RNF180: variants seen among roughly 807,000 people sequenced by gnomAD.
RNF180 encodes the protein ring finger protein 180.
In RNF180, 38 loss-of-function variants were observed where a neutral mutation model predicts 59.2. That is an observed-to-expected ratio of 0.64 (90% CI 0.50 to 0.84). RNF180 has a LOEUF of 0.84. Among genes scored for constraint, RNF180 ranks in the 40% least tolerant of loss-of-function variants. The probability of loss-of-function intolerance (pLI) is 0.00; values close to 1 mark genes in which losing one functional copy is unlikely to be tolerated. For missense variants in RNF180, 705 were observed against 700.9 expected, an observed-to-expected ratio of 1.01 and a Z score of -0.07; for synonymous variants, 262 against 240.3, an observed-to-expected ratio of 1.09 and a Z score of -0.84.
intron 5 of RNF180, among the ~76,000 whole-genome samples, chr5:64,272,444 T>C (rs891579606): frequency 2.0e-5 from 3 of 151,786 alleles, no homozygotes; most frequent in African/African-American, 7.3e-5. Flanking sequence ...CAGAGGGCAA[T>C]GGTATGGGTG....
In RNF180 at chr5:64,247,398, A is replaced by G. The variant is rs1743252227; in HGVS notation, c.1227+30002A>G. Among the ~76,000 whole-genome samples, 4 of 152,222 alleles carry G rather than the reference A, an allele frequency of 2.6e-5. No individual in the cohort carries two copies. In the South Asian group the frequency reaches 8.3e-4, roughly 31 times the overall value. On this transcript the variant is annotated intron_variant, in intron 5 of 7. Transcript: ENST00000389100. ...CAGCCCAAAATCTCCTTAAGCTTAT[A>G]AGCAACTTCAGCAAAATCTCAGGAT...
At chr5:64,206,192 G>A (rs926089569) in intron 2 of RNF180, among the ~76,000 whole-genome samples, 1 of 152,156 alleles carries the variant, frequency 6.6e-6, no homozygotes, top group Non-Finnish European at 1.5e-5. Flanking sequence ...AAAAGAAATC[G>A]TTGGTCAACA....
intron 5 of RNF180, among the ~76,000 whole-genome samples, chr5:64,246,161 A>G (rs1465809757): frequency 3.3e-5 from 5 of 152,182 alleles, no homozygotes; most frequent in Admixed American, 6.5e-5. Flanking sequence ...CACAGGAGAA[A>G]GTGGGAAAGA....
intron 2 of RNF180, among the ~76,000 whole-genome samples, chr5:64,201,749 C>T (rs1751761064): frequency 6.6e-6 from 1 of 152,096 alleles, no homozygotes; most frequent in Non-Finnish European, 1.5e-5. Context: ...ATGCCAAATA[C>T]TTATTTTGGA....
intron 5 of RNF180, among the ~76,000 whole-genome samples, chr5:64,246,065 A>AG (rs1185054582): frequency 3.9e-5 from 6 of 152,200 alleles, no homozygotes; most frequent in African/African-American, 1.4e-4. Context: ...GAAACCAATG[A>AG]GAAAAAAGAC....
chr5:64,330,149 T>C, intron 6 of RNF180, 132 bp from the exon 7 acceptor site: 1 of 671,370 alleles, frequency 1.5e-6, no homozygotes, highest in Non-Finnish European at 2.5e-6. Context: ...TGAATCTATT[T>C]TTGTCTTCAC....
intron 7 of RNF180, among the ~76,000 whole-genome samples, chr5:64,349,568 G>A (rs1363632017): frequency 3.3e-5 from 5 of 151,868 alleles, no homozygotes; most frequent in African/African-American, 7.3e-5. Context: ...CTCCTAATAT[G>A]CTATCTCTCC....
intron 7 of RNF180, among the ~76,000 whole-genome samples, chr5:64,345,306 G>A (rs1048543899): frequency 6.6e-6 from 1 of 152,106 alleles, no homozygotes; most frequent in African/African-American, 2.4e-5. Flanking sequence ...AGAAGTGTCC[G>A]TATATGGCAC....
chr5:64,179,305 T>G (rs1054926624), intron 1 of RNF180, among the ~76,000 whole-genome samples: 14 of 152,166 alleles, frequency 9.2e-5, no homozygotes, highest in African/African-American at 3.4e-4. Context: ...ATATTAATGT[T>G]TTACTATTTT....
chr5:64,357,707 C>G (rs1258530803), intron 7 of RNF180, among the ~76,000 whole-genome samples: 1 of 151,658 alleles, frequency 6.6e-6, no homozygotes, highest in African/African-American at 2.4e-5. Context: ...GATAACTGTT[C>G]AGAGATAGTT....
intron 5 of RNF180, among the ~76,000 whole-genome samples, chr5:64,247,681 T>C (rs2112262490): frequency 6.6e-6 from 1 of 152,302 alleles, no homozygotes; most frequent in Non-Finnish European, 1.5e-5. Context: ...ATGACCATAG[T>C]GCACAAAGTA....
intron 5 of RNF180, among the ~76,000 whole-genome samples, chr5:64,237,602 G>T (rs1303044911): frequency 6.6e-6 from 1 of 152,076 alleles, no homozygotes; most frequent in Non-Finnish European, 1.5e-5. Context: ...ATGTGAAAGG[G>T]ACATGAGATT....
intron 5 of RNF180, among the ~76,000 whole-genome samples, chr5:64,293,358 C>T (rs531469873): frequency 5.9e-5 from 9 of 152,202 alleles, no homozygotes; most frequent in East Asian, 1.9e-4. Context: ...GTGAAGAATT[C>T]ACTCGCCATT....
chr5:64,330,474 T>A, intron 7 of RNF180, 68 bp downstream of exon 7: 1 of 1,356,936 alleles, frequency 7.4e-7, no homozygotes, highest in Non-Finnish European at 1.0e-6. Flanking sequence ...AAAAGTAACT[T>A]CCTGCTGTCT....
intron 1 of RNF180, among the ~76,000 whole-genome samples, chr5:64,199,944 C>G (rs1751654820): frequency 6.6e-6 from 1 of 152,118 alleles, no homozygotes; most frequent in Admixed American, 6.5e-5. Context: ...ATATAGTTAA[C>G]TGTTCCAATA....
At chr5:64,186,118 G>C (rs141976381) in intron 1 of RNF180, among the ~76,000 whole-genome samples, 20 of 152,096 alleles carry the variant, frequency 1.3e-4, no homozygotes, top group African/African-American at 4.8e-4. Context: ...TAGTATAGTT[G>C]CCTCTGCATC....
At chr5:64,317,502 TA>T (rs1744102117) in intron 5 of RNF180, among the ~76,000 whole-genome samples, 3 of 151,096 alleles carry the variant, frequency 2.0e-5, no homozygotes, top group African/African-American at 7.3e-5. Flanking sequence ...CAAAATGCAA[TA>T]AAGCCAAGCA....
chr5:64,211,880 G>T (rs527278610), intron 2 of RNF180, among the ~76,000 whole-genome samples, 185 bp from the exon 3 acceptor site: 96 of 152,210 alleles, frequency 6.3e-4, no homozygotes, highest in African/African-American at 2.3e-3. Flanking sequence ...ATTCCCTGAA[G>T]AAATTTTTAA....
intron 5 of RNF180, among the ~76,000 whole-genome samples, chr5:64,265,930 C>T (rs911085069): frequency 9.9e-5 from 15 of 152,196 alleles, no homozygotes; most frequent in African/African-American, 3.1e-4. Flanking sequence ...TCAAGAGGTC[C>T]TTCACGTCCC....
Sources: gnomAD v4.1 joint callset for allele counts (sites outside exome capture counted in the v4.1 genomes callset) on GRCh38, gnomAD v4.1.1 for gene constraint, MANE v1.5 for transcripts, NCBI Gene and HGNC (gene_info 2026-07-23, HGNC 2026-07-21) for gene names.